Variants in TXNDC11 observed in about 807,000 individuals in gnomAD.
TXNDC11 encodes thioredoxin domain-containing protein 11.
TXNDC11 carries 68 observed loss-of-function variants against 78.0 expected under a neutral mutation model. That is an observed-to-expected ratio of 0.87 (90% CI 0.72 to 1.07). The LOEUF (loss-of-function observed/expected upper bound fraction) is 1.07. TXNDC11 is among the 50% of genes least tolerant of loss of function. The probability of loss-of-function intolerance (pLI) is 0.00; values close to 1 mark genes in which losing one functional copy is unlikely to be tolerated. For missense variants in TXNDC11, 1,389 were observed against 1,221.8 expected (o/e 1.14, Z -2.04); for synonymous variants, 571 against 495.2 (o/e 1.15, Z -2.03).
intron 5 of TXNDC11, among the ~76,000 whole-genome samples, chr16:11,713,181 G>C (rs973397148): frequency 2.0e-5 from 3 of 151,436 alleles, no homozygotes; most frequent in Admixed American, 6.6e-5. Context: ...CAGCTCCTTG[G>C]GGGGCTGAGG....
intron 5 of TXNDC11, among the ~76,000 whole-genome samples, chr16:11,705,677 C>G (rs1262229531): frequency 6.6e-6 from 1 of 152,226 alleles, no homozygotes; most frequent in Non-Finnish European, 1.5e-5. Context: ...AGAACAAATT[C>G]TAACATGCTC....
intron 4 of TXNDC11, among the ~76,000 whole-genome samples, chr16:11,729,332 G>C (rs1301127436): frequency 6.6e-6 from 1 of 152,184 alleles, no homozygotes; most frequent in Non-Finnish European, 1.5e-5. Context: ...GCAGGCCTCT[G>C]AGGTGCACAG....
intron 1 of TXNDC11, among the ~76,000 whole-genome samples, chr16:11,736,852 T>C (rs2052235735): frequency 6.6e-6 from 1 of 152,170 alleles, no homozygotes; most frequent in Admixed American, 6.5e-5. Flanking sequence ...ATGGGCTTTT[T>C]GAACACTTGA....
chr16:11,734,206 G>A (rs1206420568), intron 2 of TXNDC11, 127 bp from the exon 3 acceptor site: 1 of 700,242 alleles, frequency 1.4e-6, no homozygotes, highest in South Asian at 1.7e-5. Flanking sequence ...GAAAAAAACT[G>A]TTTTGAGTTT....
In TXNDC11 at chr16:11,679,915, C is replaced by CA; in HGVS notation, c.2235-79dup. The CA allele has an allele frequency of 7.9e-7, 1 of 1,263,664 alleles. No individual in the cohort carries two copies. The highest frequency in any genetic ancestry group is 1.1e-6 in the Non-Finnish European group (1 of 900,612). 78.3% of individuals were successfully genotyped at this position (1,263,664 alleles called of 1,614,324 possible). A position where few individuals can be genotyped will look rare whatever the true frequency, so the allele number is the denominator to read the frequency against. ...TCCAAAAGCAGGCTGTACCTGAGGC[C>CA]AGGCCATCTACTTCTCACCAAGAAA... On this transcript the variant is annotated intron_variant, in intron 11 of 11. Coordinates refer to ENST00000283033, the MANE Select transcript of TXNDC11 (RefSeq NM_015914.7). The surrounding 1 kb of genome is among the most constrained non-coding windows in gnomAD (Gnocchi z 4.6).
chr16:11,719,278 A>C (rs2051633681), intron 5 of TXNDC11, among the ~76,000 whole-genome samples: 1 of 152,190 alleles, frequency 6.6e-6, no homozygotes, highest in African/African-American at 2.4e-5. Flanking sequence ...GGCTTTATTT[A>C]ATTTTCCATG....
At chr16:11,737,001 C>A (rs1438684687) in intron 1 of TXNDC11, among the ~76,000 whole-genome samples, 2 of 151,918 alleles carry the variant, frequency 1.3e-5, no homozygotes, top group Non-Finnish European at 2.9e-5. Flanking sequence ...CTAGTAAACA[C>A]CCTGAGCTGT....
chr16:11,698,506 T>C (rs984080772), intron 6 of TXNDC11, among the ~76,000 whole-genome samples, 181 bp from the exon 7 acceptor site: 4 of 152,192 alleles, frequency 2.6e-5, no homozygotes, highest in African/African-American at 9.6e-5. Context: ...TCACAAGTGG[T>C]TGAAAAAACA....
At chr16:11,730,231 A>T (rs2052006847) in intron 4 of TXNDC11, among the ~76,000 whole-genome samples, 1 of 152,258 alleles carries the variant, frequency 6.6e-6, no homozygotes, top group African/African-American at 2.4e-5. Flanking sequence ...GGAAGGGAAC[A>T]TATTTCCAGT....
chr16:11,704,076 G>A (rs1276405755), intron 5 of TXNDC11, among the ~76,000 whole-genome samples: 1 of 152,150 alleles, frequency 6.6e-6, no homozygotes, highest in Non-Finnish European at 1.5e-5. Context: ...TGGGTGACAA[G>A]AGTGAAACTC....
chr16:11,725,624 C>G (rs2051854816), intron 4 of TXNDC11, among the ~76,000 whole-genome samples: 1 of 152,216 alleles, frequency 6.6e-6, no homozygotes, highest in Non-Finnish European at 1.5e-5. Context: ...GCTTCTTAAT[C>G]TGTTGGAAGG....
chr16:11,684,292 C>A, intron 10 of TXNDC11, 47 bp from the exon 11 acceptor site: 1 of 1,433,118 alleles, frequency 7.0e-7, no homozygotes, highest in East Asian at 2.3e-5. Flanking sequence ...GCCCAAGAAA[C>A]ACCAACTTGA....
At chr16:11,703,509 TACAC>T (rs34963301) in intron 5 of TXNDC11, among the ~76,000 whole-genome samples, 36,686 of 144,780 alleles carry the variant, frequency 0.25, 4,977 homozygotes, top group East Asian at 0.4. Flanking sequence ...AGGCTTTTGA[TACAC>T]ACACACACAC....
At chr16:11,686,226 G>C (rs1304845432) in intron 10 of TXNDC11, among the ~76,000 whole-genome samples, 1 of 152,196 alleles carries the variant, frequency 6.6e-6, no homozygotes, top group Non-Finnish European at 1.5e-5. Context: ...CCAACATGCT[G>C]GGATTACAGG....
At chr16:11,742,292 G>A in intron 1 of TXNDC11, 185 bp downstream of exon 1, 1 of 476,662 alleles carries the variant, frequency 2.1e-6, no homozygotes. Flanking sequence ...CATAATGTCC[G>A]CGGGCGGGCC....
intron 4 of TXNDC11, among the ~76,000 whole-genome samples, chr16:11,721,973 T>C (rs997762258): frequency 6.6e-6 from 1 of 152,224 alleles, no homozygotes; most frequent in African/African-American, 2.4e-5. Flanking sequence ...TTCCACACCC[T>C]GTTTGTTGAC....
At position 11,720,226 on chromosome 16, in the gene TXNDC11, A is replaced by C. The variant is rs369609740; in HGVS notation, c.793+1351T>G. Among the ~76,000 whole-genome samples the C allele has an allele frequency of 5.3e-5, 8 of 152,318 alleles. No homozygotes were observed. The East Asian group carries it at 1.3e-3, about 26-fold the overall frequency. On this transcript the variant is annotated intron_variant, in intron 5 of 11. Transcript: ENST00000283033. The stretch of plus-strand genomic sequence containing the variant: ...AAACAATATACAATTCAACTAAGTC[A>C]AAGAAAAATACAGATGTGAGAAGCT...
chr16:11,691,867 G>A lies in TXNDC11; in HGVS notation c.1323C>T (p.Val441=). The A allele has an allele frequency of 6.2e-7, 1 of 1,614,252 alleles. No homozygotes were observed. Among genetic ancestry groups the A allele is most frequent in the Non-Finnish European group, 8.5e-7 (1 of 1,180,026 alleles). The change falls in exon 8 of 12, where the codon GTC becomes GTT. Residue 441 remains valine (V), a synonymous_variant. Coordinates refer to ENST00000283033, the MANE Select transcript of TXNDC11 (RefSeq NM_015914.7). The part of the protein sequence containing the change: ...QWHSFSRTHN[V]CELCVNQTSG... ...AGGTCTGGTTGACACAGAGTTCACA[G>A]ACGTTGTGGGTCCTGGAGAAGGAGT... is the stretch of plus-strand genomic sequence containing the variant.
At position 11,691,520 on chromosome 16, in the gene TXNDC11, T is replaced by C. The variant is rs768240200; in HGVS notation, c.1670A>G (p.Tyr557Cys). The change falls in exon 8 of 12, where the codon TAT (tyrosine) becomes TGT (cysteine). Residue 557 changes from tyrosine (Y) to cysteine (C), a missense_variant. Tyr to Cys is a radical substitution (Grantham distance 194). Coordinates refer to ENST00000283033, the MANE Select transcript of TXNDC11 (RefSeq NM_015914.7). ...SSVPHIEENR[Y>C]LFPEVDMTST... ...AGTCATGTCCACTTCTGGAAAGAGA[T>C]ACCTGTTCTCCTCAATGTGAGGAAC... is the stretch of plus-strand genomic sequence containing the variant. 8.7e-6 allele frequency: 14 copies of C among 1,614,096 alleles called. No homozygotes were observed. The highest frequency in any genetic ancestry group is 3.3e-5 in the Admixed American group (2 of 60,004).
Sources: allele counts gnomAD v4.1 joint callset (sites outside exome capture counted in the v4.1 genomes callset), GRCh38; gene constraint gnomAD v4.1.1; non-coding constraint Gnocchi (gnomAD v3.1); transcripts MANE v1.5; gene names NCBI Gene and HGNC (gene_info 2026-07-23, HGNC 2026-07-21).